The following AGR2 variants were observed in gnomAD, a reference collection of about 807,000 sequenced individuals.
AGR2 encodes anterior gradient protein 2 homolog.
AGR2 carries 27 observed loss-of-function variants against 25.9 expected under a neutral mutation model. The ratio of observed to expected loss-of-function variants is 1.04; its 90% CI spans 0.77 to 1.44. The LOEUF (loss-of-function observed/expected upper bound fraction) is 1.44, where lower values mean the gene tolerates loss of function less well. Among genes scored for constraint, AGR2 ranks in the 40% most tolerant of loss-of-function variants. AGR2 has a pLI of 0.00. For missense variants in AGR2, 182 were observed against 200.9 expected (o/e 0.91, Z 0.57); for synonymous variants, 78 against 72.0 (o/e 1.08, Z -0.42).
intron 6 of AGR2, 48 bp downstream of exon 6, chr7:16,797,583 C>T: frequency 6.5e-7 from 1 of 1,549,360 alleles, no homozygotes; most frequent in South Asian, 1.1e-5. Flanking sequence ...AGGAGGATGG[C>T]AGCACTAGTA....
chr7:16,796,399 G>A (rs1785045888), intron 6 of AGR2, among the ~76,000 whole-genome samples: 1 of 152,170 alleles, frequency 6.6e-6, no homozygotes, highest in Admixed American at 6.5e-5. Context: ...TAGTGCTTTA[G>A]TTCAGCCTTC....
At chr7:16,794,514 A>G (rs905737654) in intron 7 of AGR2, among the ~76,000 whole-genome samples, 1 of 152,174 alleles carries the variant, frequency 6.6e-6, no homozygotes, top group Non-Finnish European at 1.5e-5. Context: ...TTTGAAACTG[A>G]TCTTTAAACT....
intron 6 of AGR2, 36 bp downstream of exon 6, chr7:16,797,595 G>A (rs774074528): frequency 2.5e-6 from 4 of 1,593,050 alleles, no homozygotes; most frequent in South Asian, 1.1e-5. Context: ...GCACTAGTAT[G>A]TGTTTCCGAG....
chr7:16,800,481 C>T lies in AGR2; in HGVS notation c.257-664G>A, dbSNP rs1482220425. Among the ~76,000 whole-genome samples, 7 of 152,138 alleles carry T rather than the reference C, an allele frequency of 4.6e-5. No individual in the cohort carries two copies. The East Asian group carries it at 1.3e-3, about 29-fold the overall frequency. On this transcript the variant is annotated intron_variant, in intron 4 of 7. Transcript: ENST00000419304. ...ATAGCCATTGGCCTGATCATGTCAG[C>T]CTCATAGGTTGTGATCAGAAATTTG...
rs8071 is a variant in AGR2, at chr7:16,792,758, T to A, written c.*150A>T. ...ACACTTGAAACCAAATTTCTAAAAC[T>A]TGTTTTTCTTAAAAAATAGTTGTTG... On this transcript the variant is annotated 3_prime_UTR_variant, in exon 8 of 8. Transcript: ENST00000419304. The A allele has an allele frequency of 0.074, 55,008 of 746,624 alleles. 3,717 individuals are homozygous for A. Among genetic ancestry groups the A allele is most frequent in the East Asian group, 0.32 (11,927 of 37,240 alleles). 46.2% of individuals were successfully genotyped at this position (746,624 alleles called of 1,614,324 possible).
rs750731771 is a variant in AGR2 at position 16,792,898 on chromosome 7, T to C, written c.*10A>G. On this transcript the variant is annotated 3_prime_UTR_variant, in exon 8 of 8. Coordinates refer to ENST00000419304, the MANE Select transcript of AGR2 (RefSeq NM_006408.4). ...CCTGACAGACAGAAGGGCTTGGAGA[T>C]TTTTTTTCTTTACAATTCAGTCTTC... The C allele has an allele frequency of 8.1e-6, 13 of 1,611,008 alleles. No homozygotes were observed. The highest frequency in any genetic ancestry group is 1.0e-5 in the Non-Finnish European group (12 of 1,177,414).
At chr7:16,794,214 G>C (rs928246236) in intron 7 of AGR2, among the ~76,000 whole-genome samples, 2 of 144,540 alleles carry the variant, frequency 1.4e-5, no homozygotes, top group Admixed American at 7.3e-5. Flanking sequence ...AATATGGCTA[G>C]TGTGACTGAA....
chr7:16,795,268 A>G (rs1465506774), intron 6 of AGR2, among the ~76,000 whole-genome samples: 1 of 151,554 alleles, frequency 6.6e-6, no homozygotes, highest in East Asian at 1.9e-4. Context: ...CTTCTGTTCT[A>G]TCTATGGCAA....
intron 7 of AGR2, chr7:16,794,625 T>G: frequency 1.8e-6 from 1 of 549,192 alleles, no homozygotes; most frequent in Non-Finnish European, 3.2e-6. Flanking sequence ...CTCAGTTCTG[T>G]GATAGAAGGA....
At chr7:16,793,435 C>G (rs1453403712) in intron 7 of AGR2, among the ~76,000 whole-genome samples, 2 of 152,168 alleles carry the variant, frequency 1.3e-5, no homozygotes, top group African/African-American at 4.8e-5. Flanking sequence ...TTGTGACAAT[C>G]TAGTTTTCTA....
Position 16,801,395 on chromosome 7 carries a change from T to C in AGR2, c.140-12A>G, listed in dbSNP as rs747953259. 3 of 1,610,116 alleles carry C rather than the reference T, an allele frequency of 1.9e-6. No individual in the cohort carries two copies. The highest frequency in any genetic ancestry group is 2.7e-5 in the African/African-American group (2 of 74,920). On this transcript the variant is annotated splice_polypyrimidine_tract_variant and intron_variant, in intron 2 of 7. Transcript: ENST00000419304. Reference sequence around the variant, plus strand: ...TTGGTCACCCCAACCTAGAATGAAATGAATCAGTATATTTGAAGCTTGTAT... The same window carrying C: ...TTGGTCACCCCAACCTAGAATGAAACGAATCAGTATATTTGAAGCTTGTAT...
chr7:16,796,853 G>A (rs864699), intron 6 of AGR2, among the ~76,000 whole-genome samples: 40,035 of 152,040 alleles, frequency 0.26, 8,069 homozygotes, highest in African/African-American at 0.56. Context: ...AGGAAGTGGG[G>A]AAAGCATATG....
intron 7 of AGR2, 46 bp downstream of exon 7, chr7:16,794,890 A>G: frequency 6.2e-7 from 1 of 1,613,178 alleles, no homozygotes; most frequent in Non-Finnish European, 8.5e-7. Flanking sequence ...ACAGCAATAG[A>G]GGTGTTCAAC....
At chr7:16,800,925 A>T (rs1785130542) in intron 4 of AGR2, among the ~76,000 whole-genome samples, 2 of 152,362 alleles carry the variant, frequency 1.3e-5, no homozygotes, top group Admixed American at 1.3e-4. Context: ...TGTAAGAGAA[A>T]TCAAGAAGTT....
intron 7 of AGR2, 57 bp from the exon 8 acceptor site, chr7:16,793,014 A>G (rs1313765901): frequency 1.1e-5 from 16 of 1,498,868 alleles, no homozygotes; most frequent in Non-Finnish European, 1.5e-5. Flanking sequence ...TATCGATATA[A>G]TAAACCCCAA....
chr7:16,798,809 T>G (rs774172766), intron 5 of AGR2, among the ~76,000 whole-genome samples: 3 of 152,134 alleles, frequency 2.0e-5, no homozygotes, highest in Non-Finnish European at 4.4e-5. Flanking sequence ...ACAGTACCAC[T>G]TTCAGTAAAA....
At chr7:16,801,064 T>C in intron 4 of AGR2, 87 bp downstream of exon 4, 1 of 1,011,940 alleles carries the variant, frequency 9.9e-7, no homozygotes, top group Admixed American at 2.3e-5. Context: ...GCAACTGTGG[T>C]TCTAAAGATA....
chr7:16,799,923 A>C, intron 4 of AGR2, 106 bp from the exon 5 acceptor site: 1 of 766,358 alleles, frequency 1.3e-6, no homozygotes, highest in East Asian at 2.7e-5. Flanking sequence ...ATTGCATTTT[A>C]AATACAGTAT....
chr7:16,797,582 G>T, intron 6 of AGR2, 49 bp downstream of exon 6: 1 of 1,542,712 alleles, frequency 6.5e-7, no homozygotes, highest in Non-Finnish European at 8.9e-7. Flanking sequence ...AAGGAGGATG[G>T]CAGCACTAGT....
Sources: gnomAD v4.1 joint callset for allele counts (sites outside exome capture counted in the v4.1 genomes callset) on GRCh38, gnomAD v4.1.1 for gene constraint, MANE v1.5 for transcripts, NCBI Gene and HGNC (gene_info 2026-07-23, HGNC 2026-07-21) for gene names.